Variants in HS1BP3 observed in about 807,000 individuals in gnomAD.
HS1BP3 encodes the protein HCLS1 binding protein 3, also known as HCLS1-binding protein 3.
A neutral mutation model predicts 33.5 loss-of-function variants in HS1BP3; 32 were observed. The observed-to-expected ratio is 0.95, with a 90% CI of 0.72 to 1.28. The LOEUF (loss-of-function observed/expected upper bound fraction) is 1.28, where lower values mean the gene tolerates loss of function less well. HS1BP3 is among the 50% of genes most tolerant of loss of function. HS1BP3 has a pLI of 0.00. For missense variants in HS1BP3, 486 were observed against 502.3 expected, an observed-to-expected ratio of 0.97 and a Z score of 0.31; for synonymous variants, 187 against 209.2, an observed-to-expected ratio of 0.89 and a Z score of 0.92.
intron 2 of HS1BP3, among the ~76,000 whole-genome samples, chr2:20,598,527 G>T (rs1453788508): frequency 2.1e-5 from 3 of 144,038 alleles, no homozygotes; most frequent in Non-Finnish European, 4.5e-5. Flanking sequence ...AACAGGCCAG[G>T]GACCGGTACT....
At chr2:20,580,521 A>T (rs1197804883) in intron 5 of HS1BP3, among the ~76,000 whole-genome samples, 1 of 151,442 alleles carries the variant, frequency 6.6e-6, no homozygotes, top group Non-Finnish European at 1.5e-5. Flanking sequence ...TCTGTCTCCA[A>T]AAAAAGAAAA....
rs1558348208 is a variant in HS1BP3, at chr2:20,638,612, ATC to A, written c.445_446del (p.Asp149PhefsTer14). On this transcript the variant is annotated frameshift_variant, in exon 4 of 7. Coordinates refer to ENST00000304031, the MANE Select transcript of HS1BP3 (RefSeq NM_022460.4). LOFTEE classifies it high-confidence loss of function. ...SPGAAGLTSR[D>X]SSVLDGTDSQ... ...TGTCTGTGCCATCCAGGACAGAGGAATCTCTGCTGGTGAGCCCTGCAGCCCCT... is the reference window on the plus strand; with the variant it reads ...TGTCTGTGCCATCCAGGACAGAGGAATCTGCTGGTGAGCCCTGCAGCCCCT... 1 of 1,614,112 alleles carries A rather than the reference ATC, an allele frequency of 6.2e-7. No homozygotes were observed. The highest frequency in any genetic ancestry group is 1.7e-5 in the Admixed American group (1 of 60,018).
chr2:20,620,348 G>A (rs1253073409), intron 6 of HS1BP3, among the ~76,000 whole-genome samples: 2 of 152,358 alleles, frequency 1.3e-5, no homozygotes, highest in South Asian at 2.1e-4. Flanking sequence ...CATGTGGCTG[G>A]TTCTCTGGGG....
At chr2:20,570,717 G>A (rs914959121) in intron 5 of HS1BP3, among the ~76,000 whole-genome samples, 1 of 152,236 alleles carries the variant, frequency 6.6e-6, no homozygotes, top group African/African-American at 2.4e-5. Flanking sequence ...GATTCTGCTA[G>A]GGGAGGAGGA....
Position 20,618,062 on chromosome 2 carries a change from G to A in HS1BP3, c.*925C>T, listed in dbSNP as rs1209029770. ...AAGCCTGAGAGAATCATGCCCCACTGGCAGTGGGAGGCGGTGCAGGCTGGG... is the reference window on the plus strand; with the variant it reads ...AAGCCTGAGAGAATCATGCCCCACTAGCAGTGGGAGGCGGTGCAGGCTGGG... On this transcript the variant is annotated 3_prime_UTR_variant, in exon 7 of 7. Transcript: ENST00000304031. 1 of 152,470 alleles carries A rather than the reference G, an allele frequency of 6.6e-6. No individual in the cohort carries two copies. The highest frequency in any genetic ancestry group is 2.4e-5 in the African/African-American group (1 of 41,472). 9.4% of individuals were successfully genotyped at this position (152,470 alleles called of 1,614,324 possible).
intron 2 of HS1BP3, among the ~76,000 whole-genome samples, chr2:20,598,519 C>A (rs931617958): frequency 6.7e-6 from 1 of 149,080 alleles, no homozygotes; most frequent in Admixed American, 6.7e-5. Flanking sequence ...CGGTTCCTAA[C>A]AGGCCAGGGA....
At chr2:20,642,050 C>T (rs933783148) in intron 2 of HS1BP3, among the ~76,000 whole-genome samples, 5 of 152,240 alleles carry the variant, frequency 3.3e-5, no homozygotes, top group Non-Finnish European at 5.9e-5. Flanking sequence ...CTCCTAGCTC[C>T]TCTATCACCT....
intron 5 of HS1BP3, among the ~76,000 whole-genome samples, chr2:20,561,554 C>T (rs986672704): frequency 1.4e-4 from 21 of 152,124 alleles, no homozygotes; most frequent in African/African-American, 5.1e-4. Context: ...CCCACCTGCA[C>T]ACACATACAC....
intron 5 of HS1BP3, among the ~76,000 whole-genome samples, chr2:20,585,992 C>A (rs1222123503): frequency 3.3e-5 from 5 of 151,134 alleles, no homozygotes; most frequent in Admixed American, 2.6e-4. Context: ...GGCTAGAACT[C>A]GCAGATTCCG....
intron 4 of HS1BP3, among the ~76,000 whole-genome samples, chr2:20,633,463 C>T (rs1019513306): frequency 2.8e-4 from 42 of 152,218 alleles, no homozygotes; most frequent in Non-Finnish European, 7.3e-5. Flanking sequence ...ATCTGTTGTT[C>T]CTAACAGCCC....
rs1055853540 is a variant in HS1BP3 at position 20,618,174 on chromosome 2, C to G, written c.*813G>C. Reference sequence around the variant, plus strand: ...GCAATGACGAACATTGGCTCTGTGCCCAGAGGCCCAAGAAGGCCATGGACT... The same window carrying G: ...GCAATGACGAACATTGGCTCTGTGCGCAGAGGCCCAAGAAGGCCATGGACT... On this transcript the variant is annotated 3_prime_UTR_variant, in exon 7 of 7. Coordinates refer to ENST00000304031, the MANE Select transcript of HS1BP3 (RefSeq NM_022460.4). The G allele has an allele frequency of 2.0e-5, 3 of 152,286 alleles. No homozygotes were observed. The highest frequency in any genetic ancestry group is 7.2e-5 in the African/African-American group (3 of 41,446). The allele number at this position is 152,286 out of a possible 1,614,324, so 9.4% of individuals were successfully genotyped here.
intron 1 of HS1BP3, 79 bp downstream of exon 1, chr2:20,650,950 AGGC>A: frequency 8.7e-7 from 1 of 1,150,336 alleles, no homozygotes; most frequent in Non-Finnish European, 1.1e-6. Flanking sequence ...CTGGCCTAGG[AGGC>A]GGCGGCCTCC....
chr2:20,629,021 T>C (rs1035464536), intron 4 of HS1BP3, among the ~76,000 whole-genome samples: 2 of 152,112 alleles, frequency 1.3e-5, no homozygotes, highest in African/African-American at 4.8e-5. Context: ...GCAGCGGTGG[T>C]GCGAGGGGAA....
chr2:20,557,795 G>C (rs1299016758), downstream of HS1BP3, among the ~76,000 whole-genome samples: 9 of 152,200 alleles, frequency 5.9e-5, no homozygotes, highest in Non-Finnish European at 1.0e-4. Context: ...CCTGGTTCAG[G>C]AATGCAGAAC....
At chr2:20,636,907 G>A (rs10495708) in intron 4 of HS1BP3, 14 of 152,004 alleles carry the variant, frequency 9.2e-5, no homozygotes, top group African/African-American at 1.7e-4. Flanking sequence ...CTTGTCACAC[G>A]GGTCCTTAAA....
intron 3 of HS1BP3, chr2:20,640,770 G>A: frequency 1.6e-6 from 1 of 622,134 alleles, no homozygotes; most frequent in Non-Finnish European, 2.9e-6. Flanking sequence ...CCACCTGACA[G>A]CCAGACGTTC....
At chr2:20,555,474 T>C (rs60097171), downstream of HS1BP3, among the ~76,000 whole-genome samples, 711 of 152,294 alleles carry the variant, frequency 4.7e-3, 7 homozygotes, top group African/African-American at 0.016. Context: ...AGGTCACACA[T>C]GCATGAAGCC....
At chr2:20,603,354 A>G (rs956712030) in intron 2 of HS1BP3, among the ~76,000 whole-genome samples, 2 of 152,270 alleles carry the variant, frequency 1.3e-5, no homozygotes, top group African/African-American at 4.8e-5. Flanking sequence ...GAATGGATAA[A>G]CAAAATGCGG....
chr2:20,622,427 G>T, intron 6 of HS1BP3: 1 of 783,280 alleles, frequency 1.3e-6, no homozygotes, highest in Non-Finnish European at 1.9e-6. Context: ...CTCCCCAAGC[G>T]CTCTGCGGGA....
Sources: allele counts gnomAD v4.1 joint callset (sites outside exome capture counted in the v4.1 genomes callset), GRCh38; gene constraint gnomAD v4.1.1; transcripts MANE v1.5; gene names NCBI Gene and HGNC (gene_info 2026-07-23, HGNC 2026-07-21).